The following RHOH variants were observed in gnomAD, a reference collection of about 807,000 sequenced individuals.
RHOH encodes rho-related GTP-binding protein RhoH.
RHOH carries 6 observed loss-of-function variants against 13.8 expected under a neutral mutation model. The observed-to-expected ratio is 0.44, with a 90% CI of 0.24 to 0.86. The LOEUF is 0.86. Ranked by LOEUF, RHOH falls within the 40% of genes least tolerant of loss-of-function variation. RHOH has a pLI of 0.24. For synonymous variants in RHOH, 117 were observed against 103.0 expected (o/e 1.14, Z -0.82); for missense variants, 147 against 244.5 (o/e 0.60, Z 2.66).
intron 1 of RHOH, among the ~76,000 whole-genome samples, chr4:40,241,852 T>C (rs1453997888): frequency 6.6e-6 from 1 of 152,138 alleles, no homozygotes; most frequent in African/African-American, 2.4e-5. Flanking sequence ...ATGACACCAC[T>C]GCACTCCAGT....
In RHOH at chr4:40,244,036, A is replaced by G; in HGVS notation, c.*74A>G. 2 of 1,299,528 alleles carry G rather than the reference A, an allele frequency of 1.5e-6. No homozygotes were observed. The highest frequency in any genetic ancestry group is 2.1e-6 in the Non-Finnish European group (2 of 948,996). The allele number at this position is 1,299,528 out of a possible 1,614,324, so 80.5% of individuals were successfully genotyped here. On this transcript the variant is annotated 3_prime_UTR_variant, in exon 3 of 3. Coordinates refer to ENST00000381799, the MANE Select transcript of RHOH (RefSeq NM_004310.5). Reference sequence around the variant, plus strand: ...TGGGGAGAGGGAGGGCCGGGAAGCCAGGAAAGCTTGGTGTTTTCTCTGGGT... The same window carrying G: ...TGGGGAGAGGGAGGGCCGGGAAGCCGGGAAAGCTTGGTGTTTTCTCTGGGT...
chr4:40,216,676 G>A (rs1185951534), intron 1 of RHOH, among the ~76,000 whole-genome samples: 1 of 152,072 alleles, frequency 6.6e-6, no homozygotes, highest in African/African-American at 2.4e-5. Flanking sequence ...GTTTTTAGTA[G>A]GTATATGTTT....
intron 1 of RHOH, among the ~76,000 whole-genome samples, chr4:40,211,316 A>G (rs889990813): frequency 2.0e-5 from 3 of 152,106 alleles, no homozygotes; most frequent in Non-Finnish European, 4.4e-5. Flanking sequence ...CCGAGGCCAG[A>G]GTGCAGTGGT....
chr4:40,197,590 C>T (rs539118664), intron 1 of RHOH, among the ~76,000 whole-genome samples: 1 of 152,124 alleles, frequency 6.6e-6, no homozygotes, highest in African/African-American at 2.4e-5. Flanking sequence ...TGTGGCTGAG[C>T]TCAACTGTAT....
chr4:40,203,903 C>T (rs746308778), intron 1 of RHOH, among the ~76,000 whole-genome samples: 2 of 151,982 alleles, frequency 1.3e-5, no homozygotes, highest in Non-Finnish European at 2.9e-5. Flanking sequence ...TTATTAAACC[C>T]GTGGTAGAAT....
At chr4:40,207,335 A>G (rs1670011876) in intron 1 of RHOH, among the ~76,000 whole-genome samples, 2 of 152,244 alleles carry the variant, frequency 1.3e-5, no homozygotes, top group African/African-American at 4.8e-5. Flanking sequence ...ATTTGAATTA[A>G]CAAAAGGCAA....
intron 1 of RHOH, among the ~76,000 whole-genome samples, chr4:40,241,084 A>G (rs1446357968): frequency 6.6e-6 from 1 of 152,236 alleles, no homozygotes; most frequent in Non-Finnish European, 1.5e-5. Context: ...TCACAAATGC[A>G]TATATTTAAG....
intron 1 of RHOH, among the ~76,000 whole-genome samples, chr4:40,207,068 A>G (rs1429773228): frequency 6.6e-6 from 1 of 152,050 alleles, no homozygotes; most frequent in Non-Finnish European, 1.5e-5. Context: ...TTAGCCAGGC[A>G]TGGTGGCAGG....
intron 1 of RHOH, among the ~76,000 whole-genome samples, chr4:40,202,136 G>A (rs1724092668): frequency 1.3e-5 from 2 of 151,304 alleles, no homozygotes; most frequent in Non-Finnish European, 2.9e-5. Context: ...TTGTAGAGAC[G>A]GGGTCTCACT....
chr4:40,198,038 T>G (rs1723443575), intron 1 of RHOH, among the ~76,000 whole-genome samples: 3 of 152,318 alleles, frequency 2.0e-5, no homozygotes, highest in South Asian at 2.1e-4. Context: ...ATAAGAGAAA[T>G]ATTTTAAAAA....
chr4:40,194,921 A>G (rs1266994957), upstream of RHOH, among the ~76,000 whole-genome samples: 3 of 152,118 alleles, frequency 2.0e-5, no homozygotes, highest in Non-Finnish European at 4.4e-5. Context: ...TGTCTTCTCT[A>G]TGGGAATCCA....
At chr4:40,239,120 C>T (rs899990228) in intron 1 of RHOH, among the ~76,000 whole-genome samples, 4 of 152,192 alleles carry the variant, frequency 2.6e-5, no homozygotes, top group South Asian at 2.1e-4. Context: ...TCTTTACTGC[C>T]GCACAATGAT....
intron 1 of RHOH, among the ~76,000 whole-genome samples, chr4:40,240,584 C>A (rs1262925491): frequency 4.6e-5 from 7 of 152,048 alleles, no homozygotes; most frequent in Admixed American, 2.6e-4. Context: ...CAAGACCAAC[C>A]TTGGCAACAT....
At chr4:40,207,783 A>G (rs1054537305) in intron 1 of RHOH, among the ~76,000 whole-genome samples, 2 of 152,208 alleles carry the variant, frequency 1.3e-5, no homozygotes, top group Non-Finnish European at 2.9e-5. Flanking sequence ...CCTGGCCAAC[A>G]TAGTGAAACC....
chr4:40,191,229 G>GC (rs1722698019), upstream of RHOH: 1 of 152,146 alleles, frequency 6.6e-6, no homozygotes, highest in African/African-American at 2.4e-5. Flanking sequence ...CACTCTCAGA[G>GC]CCTGCCGCAC....
intron 1 of RHOH, among the ~76,000 whole-genome samples, chr4:40,199,457 C>T (rs1483522167): frequency 6.6e-6 from 1 of 152,126 alleles, no homozygotes; most frequent in Non-Finnish European, 1.5e-5. Flanking sequence ...GGGTGTTTTT[C>T]TAGTGAGAAT....
At chr4:40,200,076 A>T (rs746793624) in intron 1 of RHOH, among the ~76,000 whole-genome samples, 3 of 152,120 alleles carry the variant, frequency 2.0e-5, no homozygotes, top group Non-Finnish European at 4.4e-5. Context: ...GATGGGGTGC[A>T]CAGGTGGAGG....
Position 40,243,646 on chromosome 4 carries a change from A to G in RHOH, c.260A>G (p.Asn87Ser). 6.2e-7 allele frequency: 1 copy of G among 1,614,198 alleles called. No homozygotes were observed. Among genetic ancestry groups the G allele is most frequent in the Non-Finnish European group, 8.5e-7 (1 of 1,180,044 alleles). ...DVVLMCYSVA[N>S]HNSFLNLKNK... Reference sequence around the variant, plus strand: ...GTGCTGATGTGCTACTCTGTGGCCAACCATAACTCATTCCTGAACTTGAAG... The same window carrying G: ...GTGCTGATGTGCTACTCTGTGGCCAGCCATAACTCATTCCTGAACTTGAAG... Residue 87 changes from asparagine (N) to serine (S), a missense_variant, in exon 3 of 3, where the codon AAC becomes AGC. Asn to Ser is a conservative substitution (Grantham distance 46, BLOSUM62 1). Coordinates refer to ENST00000381799, the MANE Select transcript of RHOH (RefSeq NM_004310.5). The surrounding 1 kb of genome is among the most constrained non-coding windows in gnomAD (Gnocchi z 6.2).
intron 1 of RHOH, among the ~76,000 whole-genome samples, chr4:40,207,826 G>T (rs1255109179): frequency 6.6e-6 from 1 of 152,130 alleles, no homozygotes; most frequent in African/African-American, 2.4e-5. Flanking sequence ...AATTAGCCAG[G>T]CGTGGTTGCT....
Sources: gnomAD v4.1 joint callset for allele counts (sites outside exome capture counted in the v4.1 genomes callset) on GRCh38, gnomAD v4.1.1 for gene constraint, Gnocchi (gnomAD v3.1) non-coding constraint, MANE v1.5 for transcripts, NCBI Gene and HGNC (gene_info 2026-07-23, HGNC 2026-07-21) for gene names.